Variants in FARP2 observed in about 807,000 individuals in gnomAD.
FARP2 encodes the protein FERM, ARHGEF and pleckstrin domain-containing protein 2.
Under a neutral mutation model 130.5 loss-of-function variants are expected in FARP2, and 111 were observed. The ratio of observed to expected loss-of-function variants is 0.85; its 90% CI spans 0.73 to 1.00. The LOEUF is 1.00. FARP2 is among the 50% of genes least tolerant of loss of function. FARP2 has a pLI of 0.00. For synonymous variants in FARP2, 504 were observed against 516.9 expected, an observed-to-expected ratio of 0.98 and a Z score of 0.34; for missense variants, 1,385 against 1,346.3, an observed-to-expected ratio of 1.03 and a Z score of -0.45.
chr2:241,447,543 G>C (rs1363161782), intron 13 of FARP2, among the ~76,000 whole-genome samples: 1 of 152,152 alleles, frequency 6.6e-6, no homozygotes, highest in Non-Finnish European at 1.5e-5. Context: ...AACAGATGCT[G>C]TTGGCTTAAA....
At position 241,482,598 on chromosome 2, in the gene FARP2, G is replaced by T. The variant is rs1272525335; in HGVS notation, c.2263-867G>T. ...TCCATATGACCACCTTCTTCATTGT[G>T]TGGGGTGGACGTTTCTGTTTGGGCT... On this transcript the variant is annotated intron_variant, in intron 19 of 26. Transcript: ENST00000264042. This position sits in a 1 kb window ranked among gnomAD's most constrained non-coding sequence, Gnocchi z 4.6. Among the ~76,000 whole-genome samples, 3 of 152,192 alleles carry T rather than the reference G, an allele frequency of 2.0e-5. No individual in the cohort carries two copies. The highest frequency in any genetic ancestry group is 6.5e-5 in the Admixed American group (1 of 15,274).
chr2:241,437,682 T>TTTTTTTG (rs79114513), intron 12 of FARP2, among the ~76,000 whole-genome samples: 1 of 126,464 alleles, frequency 7.9e-6, no homozygotes, highest in Non-Finnish European at 1.8e-5. Context: ...TTTTTTTTTT[T>TTTTTTTG]GAGACGGAGT....
In FARP2 at chr2:241,413,440, C is replaced by T. The variant is rs562540660; in HGVS notation, c.623+19C>T. On this transcript the variant is annotated intron_variant, in intron 7 of 26. Coordinates refer to ENST00000264042, the MANE Select transcript of FARP2 (RefSeq NM_014808.4). ...AGCACGTGTAAGTCATCACAATTGT[C>T]TGTCAACACATTGTCACCACAGTAA... 2.7e-4 allele frequency: 405 copies of T among 1,482,590 alleles called. 1 individual carries two copies. In the South Asian group the frequency reaches 4.6e-3, roughly 17 times the overall value. The allele number at this position is 1,482,590 out of a possible 1,614,324, so 91.8% of individuals were successfully genotyped here. A position where few individuals can be genotyped will look rare whatever the true frequency, so the allele number is the denominator to read the frequency against.
intron 12 of FARP2, among the ~76,000 whole-genome samples, chr2:241,437,276 C>T (rs13027634): frequency 0.014 from 2,107 of 152,326 alleles, 31 homozygotes; most frequent in Middle Eastern, 0.02. Context: ...TACACCAACT[C>T]ACACAGACAC....
At chr2:241,381,522 T>C (rs2061663646) in intron 2 of FARP2, among the ~76,000 whole-genome samples, 1 of 152,178 alleles carries the variant, frequency 6.6e-6, no homozygotes, top group Non-Finnish European at 1.5e-5. Flanking sequence ...ACAACAGACC[T>C]CAGAGCCCTC....
intron 1 of FARP2, among the ~76,000 whole-genome samples, chr2:241,359,915 T>C (rs35495981): frequency 7.2e-5 from 11 of 152,202 alleles, no homozygotes; most frequent in Admixed American, 7.2e-4. Flanking sequence ...TGCATCTCCT[T>C]GCAGTGGTGG....
intron 24 of FARP2, among the ~76,000 whole-genome samples, chr2:241,491,988 C>T (rs891253615): frequency 2.6e-5 from 4 of 152,194 alleles, no homozygotes; most frequent in African/African-American, 7.2e-5. Flanking sequence ...TGCAGCCCCC[C>T]GTCCCAGTGC....
At position 241,491,636 on chromosome 2, in the gene FARP2, G is replaced by A. The variant is rs774641348; in HGVS notation, c.2744G>A (p.Arg915Gln). 23 of 1,613,180 alleles carry A rather than the reference G, an allele frequency of 1.4e-5. 1 individual carries two copies. In the South Asian group the frequency reaches 1.9e-4, roughly 13 times the overall value. ...ACCACAATGCACGTGTGCTGGTACC[G>A]GAACACCAGCGTGTCCAGGGCAGAC... ...ANTTMHVCWY[R>Q]NTSVSRADHS... is the part of the protein sequence containing the mutation. Residue 915 changes from arginine to glutamine, a missense_variant, in exon 24 of 27, where the codon CGG becomes CAG. By Grantham distance (43) the Arg-to-Gln change is conservative. Transcript: ENST00000264042.
intron 26 of FARP2, chr2:241,493,690 GTT>G (rs1298164820): frequency 1.8e-6 from 1 of 541,500 alleles, no homozygotes; most frequent in Non-Finnish European, 3.3e-6. Flanking sequence ...CACCTCCAGG[GTT>G]CAAGCGATTC....
rs777647910 is a variant in FARP2 at position 241,493,007 on chromosome 2, TTC to T, written c.2868_2869del (p.Phe956LeufsTer11). On this transcript the variant is annotated frameshift_variant, in exon 25 of 27. Coordinates refer to ENST00000264042, the MANE Select transcript of FARP2 (RefSeq NM_014808.4). LOFTEE classifies it high-confidence loss of function. ...GAAGCTCTGGGTCGTCTTTACCAACTTCTGTTTGTTCTTCTACAAAACTCATC... is the reference window on the plus strand; with the variant it reads ...GAAGCTCTGGGTCGTCTTTACCAACTTGTTTGTTCTTCTACAAAACTCATC... ...WQKLWVVFTN[F>X]CLFFYKTHQD... 2.2e-5 allele frequency: 35 copies of T among 1,607,214 alleles called. No homozygotes were observed. Among genetic ancestry groups the T allele is most frequent in the Non-Finnish European group, 2.6e-5 (31 of 1,173,712 alleles).
At chr2:241,471,133 G>A (rs1336648885) in intron 18 of FARP2, among the ~76,000 whole-genome samples, 1 of 150,098 alleles carries the variant, frequency 6.7e-6, no homozygotes, top group Non-Finnish European at 1.5e-5. Flanking sequence ...GGAGGATTCT[G>A]TTCTGAGGGG....
chr2:241,485,161 C>G (rs896176842), intron 21 of FARP2, among the ~76,000 whole-genome samples: 1 of 152,000 alleles, frequency 6.6e-6, no homozygotes, highest in Non-Finnish European at 1.5e-5. Flanking sequence ...AATCTTCCCT[C>G]CCTGGGGTCC....
At chr2:241,480,525 G>T (rs1232149703) in intron 19 of FARP2, among the ~76,000 whole-genome samples, 1 of 103,554 alleles carries the variant, frequency 9.7e-6, no homozygotes, top group African/African-American at 3.4e-5. Flanking sequence ...AGATAGGCTT[G>T]TGTTGTGTTT....
rs141417612 is a variant in FARP2, at chr2:241,428,675, T to C, written c.772-3004T>C. Among the ~76,000 whole-genome samples the C allele has an allele frequency of 6.8e-3, 1,035 of 152,166 alleles. 7 individuals are homozygous for C. Among genetic ancestry groups the C allele is most frequent in the Admixed American group, 0.012 (186 of 15,264 alleles). On this transcript the variant is annotated intron_variant, in intron 8 of 26. Transcript: ENST00000264042. ...AATGTGTATGCCATAAAATTCACCA[T>C]GTTGAAGTATACAATTCAGTTGTTT...
intron 5 of FARP2, among the ~76,000 whole-genome samples, chr2:241,409,038 T>TGATAGATAGATAGATAGATAGATA (rs56030352): frequency 1.4e-5 from 2 of 145,930 alleles, no homozygotes; most frequent in African/African-American, 2.6e-5. Flanking sequence ...GATAGATAGA[T>TGATAGATAGATAGATAGATAGATA]GATAGATAGA....
At chr2:241,451,952 A>G (rs2063669998) in intron 13 of FARP2, among the ~76,000 whole-genome samples, 1 of 152,140 alleles carries the variant, frequency 6.6e-6, no homozygotes, top group Non-Finnish European at 1.5e-5. Flanking sequence ...ATGGGGTTTC[A>G]CCATGCTGGC....
intron 25 of FARP2, 61 bp from the exon 26 acceptor site, chr2:241,493,232 G>C (rs2064995014): frequency 6.4e-7 from 1 of 1,568,780 alleles, no homozygotes. Flanking sequence ...GGTAGCAGAG[G>C]AATGGGCATT....
chr2:241,437,666 A>ATTTTTTT lies in FARP2; in HGVS notation c.1158+1131_1158+1132insTTTTTTT, dbSNP rs1243876155. On this transcript the variant is annotated intron_variant, in intron 12 of 26. Coordinates refer to ENST00000264042, the MANE Select transcript of FARP2 (RefSeq NM_014808.4). The stretch of plus-strand genomic sequence containing the variant: ...TATATATATATTTATTTATTTATTT[A>ATTTTTTT]TTTATTTTTTTTTTTTGAGACGGAG... Among the ~76,000 whole-genome samples, 614 of 129,086 alleles carry ATTTTTTT rather than the reference A, an allele frequency of 4.8e-3. 3 individuals carry two copies. The highest frequency in any genetic ancestry group is 7.9e-3 in the Non-Finnish European group (467 of 58,980). 84.7% of individuals were successfully genotyped at this position (129,086 alleles called of 152,430 possible).
At chr2:241,451,270 G>A (rs1315230529) in intron 13 of FARP2, among the ~76,000 whole-genome samples, 1 of 152,130 alleles carries the variant, frequency 6.6e-6, no homozygotes, top group Non-Finnish European at 1.5e-5. Context: ...CACCACTCCT[G>A]GCCAATTTGC....
Sources: allele counts gnomAD v4.1 joint callset (sites outside exome capture counted in the v4.1 genomes callset), GRCh38; gene constraint gnomAD v4.1.1; non-coding constraint Gnocchi (gnomAD v3.1); transcripts MANE v1.5; gene names NCBI Gene and HGNC (gene_info 2026-07-23, HGNC 2026-07-21).